The following SIL1 variants were observed in gnomAD, a reference collection of about 807,000 sequenced individuals.
SIL1 encodes nucleotide exchange factor SIL1.
A neutral mutation model predicts 49.1 loss-of-function variants in SIL1; 40 were observed. The observed-to-expected ratio is 0.81, with a 90% confidence interval of 0.63 to 1.06. SIL1 has a LOEUF of 1.06. SIL1 is among the 50% of genes least tolerant of loss of function. The pLI is 0.00. For synonymous variants in SIL1, 253 were observed against 250.8 expected (o/e 1.01, Z -0.08); for missense variants, 500 against 572.6 (o/e 0.87, Z 1.29).
At chr5:139,152,875 A>G (rs559354623) in intron 1 of SIL1, among the ~76,000 whole-genome samples, 59 of 152,184 alleles carry the variant, frequency 3.9e-4, no homozygotes, top group African/African-American at 1.3e-3. Flanking sequence ...AGTGAGTGCA[A>G]TGGCGCGATC....
intron 5 of SIL1, among the ~76,000 whole-genome samples, chr5:139,036,708 G>A (rs1369302003): frequency 6.6e-6 from 1 of 152,152 alleles, no homozygotes; most frequent in Non-Finnish European, 1.5e-5. Context: ...TGGAGGATGG[G>A]AATAGGGAGG....
chr5:138,957,668 T>A (rs1766930922), intron 7 of SIL1, among the ~76,000 whole-genome samples: 3 of 152,290 alleles, frequency 2.0e-5, no homozygotes, highest in African/African-American at 7.2e-5. Context: ...TTGTGGACAT[T>A]TACCACAATT....
chr5:138,976,901 C>T (rs1351370189), intron 7 of SIL1, among the ~76,000 whole-genome samples: 1 of 152,120 alleles, frequency 6.6e-6, no homozygotes, highest in East Asian at 1.9e-4. Context: ...ATCACGTTTC[C>T]CAGAGAAGTG....
At chr5:138,978,399 C>T (rs1352290086) in intron 7 of SIL1, among the ~76,000 whole-genome samples, 1 of 152,120 alleles carries the variant, frequency 6.6e-6, no homozygotes, top group Non-Finnish European at 1.5e-5. Flanking sequence ...CTAAATATTC[C>T]ATTGTATGGA....
chr5:139,116,421 C>T (rs764808545), intron 3 of SIL1, among the ~76,000 whole-genome samples: 44 of 152,156 alleles, frequency 2.9e-4, no homozygotes, highest in Non-Finnish European at 5.6e-4. Flanking sequence ...CTCTCACAGC[C>T]GCCTGGAGTC....
chr5:138,955,873 C>T (rs1031289171), intron 7 of SIL1, among the ~76,000 whole-genome samples: 11 of 152,160 alleles, frequency 7.2e-5, no homozygotes, highest in African/African-American at 2.4e-4. Context: ...GGTCAACCAA[C>T]CGGAACAACA....
intron 7 of SIL1, among the ~76,000 whole-genome samples, chr5:138,980,873 G>A (rs1316396547): frequency 1.3e-5 from 2 of 152,142 alleles, no homozygotes; most frequent in Non-Finnish European, 2.9e-5. Context: ...CAGTGTGGCA[G>A]GTCTAATGCT....
At chr5:139,082,094 T>A (rs1273830504) in intron 3 of SIL1, among the ~76,000 whole-genome samples, 2 of 152,210 alleles carry the variant, frequency 1.3e-5, no homozygotes, top group African/African-American at 4.8e-5. Context: ...TCTTGTTTAA[T>A]TTTCACAACA....
At chr5:138,964,331 C>T (rs899177984) in intron 7 of SIL1, among the ~76,000 whole-genome samples, 5 of 152,266 alleles carry the variant, frequency 3.3e-5, no homozygotes, top group Admixed American at 1.3e-4. Context: ...CCGACAGAGA[C>T]GCGCAGAGAG....
chr5:139,169,884 C>CCTCTTTCCACGGTCTCCCTCTA, intron 1 of SIL1, among the ~76,000 whole-genome samples: 1 of 81,900 alleles, frequency 1.2e-5, no homozygotes, highest in Non-Finnish European at 3.9e-5. Context: ...GTCTCCCTCT[C>CCTCTTTCCACGGTCTCCCTCTA]CCTCTCTCTC....
chr5:139,143,304 TATAC>T (rs1215419699), intron 1 of SIL1, among the ~76,000 whole-genome samples: 30 of 73,014 alleles, frequency 4.1e-4, no homozygotes, highest in East Asian at 1.5e-3. Flanking sequence ...TATATACATA[TATAC>T]ACACACACAC....
At chr5:139,183,215 A>G (rs1752022953) in intron 1 of SIL1, among the ~76,000 whole-genome samples, 1 of 152,164 alleles carries the variant, frequency 6.6e-6, no homozygotes, top group African/African-American at 2.4e-5. Context: ...TGACCTCTAC[A>G]TGCCCCCAAG....
intron 1 of SIL1, among the ~76,000 whole-genome samples, chr5:139,185,490 AT>A (rs1212597619): frequency 3.3e-5 from 5 of 152,252 alleles, no homozygotes; most frequent in African/African-American, 1.2e-4. Context: ...GTTTATACCA[AT>A]GAGCCATAGT....
rs535138569 is a variant in SIL1, at chr5:139,003,174, G to C, written c.767+17997C>G. 3.3e-4 allele frequency among the ~76,000 whole-genome samples: 50 copies of C among 152,176 alleles called. No homozygotes were observed. The South Asian group carries it at 9.8e-3, about 30-fold the overall frequency. On this transcript the variant is annotated intron_variant, in intron 7 of 9. Coordinates refer to ENST00000394817, the MANE Select transcript of SIL1 (RefSeq NM_022464.5). ...TGTGCCACAGCCAAGATCCAAGATA[G>C]AGCTTCCATTCTACAAGCAGGAGAT...
intron 3 of SIL1, among the ~76,000 whole-genome samples, chr5:139,095,575 C>T (rs780691786): frequency 6.6e-5 from 10 of 152,198 alleles, no homozygotes; most frequent in Non-Finnish European, 1.0e-4. Flanking sequence ...TATTGGAATT[C>T]TTCTGCAAGA....
chr5:138,952,521 C>T (rs1766805350), intron 7 of SIL1, among the ~76,000 whole-genome samples: 3 of 152,252 alleles, frequency 2.0e-5, no homozygotes, highest in Admixed American at 2.0e-4. Flanking sequence ...CAGCTACTGT[C>T]AGCTTCTCTG....
intron 7 of SIL1, among the ~76,000 whole-genome samples, chr5:139,004,255 C>G (rs1420723829): frequency 2.6e-5 from 4 of 152,160 alleles, no homozygotes; most frequent in African/African-American, 9.7e-5. Flanking sequence ...TCCACCTCAG[C>G]CTCCCAAAGT....
At chr5:139,117,745 C>A (rs1317675537) in intron 3 of SIL1, among the ~76,000 whole-genome samples, 1 of 152,296 alleles carries the variant, frequency 6.6e-6, no homozygotes, top group South Asian at 2.1e-4. Context: ...CTTCTAGGAA[C>A]AAGCAGCTCC....
In SIL1 at chr5:139,029,621, C is replaced by A. The variant is rs182050209; in HGVS notation, c.454-2629G>T. ...GACTCAAGTGATCCTTCCACCCCAG[C>A]GTGAGTAGTTAGGACTACAGGCACA... On this transcript the variant is annotated intron_variant, in intron 5 of 9. Coordinates refer to ENST00000394817, the MANE Select transcript of SIL1 (RefSeq NM_022464.5). 1.1e-4 allele frequency among the ~76,000 whole-genome samples: 17 copies of A among 151,866 alleles called. No homozygotes were observed. In the East Asian group the frequency reaches 2.6e-3, roughly 23 times the overall value.
Sources: gnomAD v4.1 joint callset for allele counts (sites outside exome capture counted in the v4.1 genomes callset) on GRCh38, gnomAD v4.1.1 for gene constraint, MANE v1.5 for transcripts, NCBI Gene and HGNC (gene_info 2026-07-23, HGNC 2026-07-21) for gene names.